CHST11: variants seen among roughly 807,000 people sequenced by gnomAD.
CHST11 encodes carbohydrate sulfotransferase 11.
CHST11 carries 9 observed loss-of-function variants against 30.4 expected under a neutral mutation model. The observed-to-expected ratio is 0.30, with a 90% CI of 0.18 to 0.52. CHST11 has a LOEUF of 0.52. Ranked by LOEUF, CHST11 falls within the 20% of genes least tolerant of loss-of-function variation. The pLI, the probability that CHST11 is intolerant of heterozygous loss-of-function variation, is 0.97. For synonymous variants in CHST11, 152 were observed against 187.8 expected, an observed-to-expected ratio of 0.81 and a Z score of 1.56; for missense variants, 348 against 460.6, an observed-to-expected ratio of 0.76 and a Z score of 2.24.
intron 1 of CHST11, among the ~76,000 whole-genome samples, chr12:104,535,536 A>G (rs751794407): frequency 1.1e-4 from 17 of 152,174 alleles, no homozygotes; most frequent in Non-Finnish European, 2.1e-4. Context: ...GGCAATGTGG[A>G]ATGTTGCTTA....
chr12:104,712,210 T>G (rs2040094045), intron 2 of CHST11, among the ~76,000 whole-genome samples: 1 of 152,156 alleles, frequency 6.6e-6, no homozygotes, highest in Non-Finnish European at 1.5e-5. Context: ...TATTCCCATT[T>G]GACACCTGAG....
chr12:104,559,992 T>G (rs1309367988), intron 1 of CHST11, among the ~76,000 whole-genome samples: 2 of 152,182 alleles, frequency 1.3e-5, no homozygotes, highest in East Asian at 3.8e-4. Flanking sequence ...GAAGGGTGGC[T>G]TTTGAGCAGA....
At chr12:104,695,473 GTA>G (rs367656871) in intron 2 of CHST11, among the ~76,000 whole-genome samples, 12 of 144,346 alleles carry the variant, frequency 8.3e-5, no homozygotes, top group Middle Eastern at 3.5e-3. Context: ...GTGTGTGTGT[GTA>G]TGTGTCCTTG....
intron 1 of CHST11, among the ~76,000 whole-genome samples, chr12:104,515,658 A>G (rs542275811): frequency 6.6e-6 from 1 of 152,286 alleles, no homozygotes; most frequent in East Asian, 1.9e-4. Context: ...GAGGAGTAAG[A>G]TAATACACAA....
At chr12:104,542,245 C>A (rs930161300) in intron 1 of CHST11, among the ~76,000 whole-genome samples, 1 of 152,224 alleles carries the variant, frequency 6.6e-6, no homozygotes, top group Non-Finnish European at 1.5e-5. Context: ...CAGAATTCTA[C>A]TTCTTGGATA....
intron 1 of CHST11, among the ~76,000 whole-genome samples, chr12:104,538,740 A>G (rs144234396): frequency 6.6e-6 from 1 of 152,346 alleles, no homozygotes; most frequent in African/African-American, 2.4e-5. Context: ...AGTTCCCCCA[A>G]TTGCCAGTGC....
intron 1 of CHST11, among the ~76,000 whole-genome samples, chr12:104,500,415 CAG>C (rs940373606): frequency 2.4e-4 from 37 of 152,280 alleles, no homozygotes; most frequent in African/African-American, 7.2e-4. Context: ...CGTAGCTAAT[CAG>C]GGGACAAAAT....
At chr12:104,621,641 G>C (rs941942201) in intron 2 of CHST11, among the ~76,000 whole-genome samples, 8 of 151,090 alleles carry the variant, frequency 5.3e-5, no homozygotes, top group African/African-American at 2.0e-4. Context: ...TGTGAGGAAG[G>C]GGGCCACAAG....
Position 104,681,870 on chromosome 12 carries a change from G to A in CHST11, c.205-75079G>A, listed in dbSNP as rs369714780. 1.0e-4 allele frequency among the ~76,000 whole-genome samples: 12 copies of A among 116,468 alleles called. No individual in the cohort carries two copies. The East Asian group carries it at 1.1e-3, about 11-fold the overall frequency. The allele number at this position is 116,468 out of a possible 152,430, so 76.4% of individuals were successfully genotyped here. Reference sequence around the variant, plus strand: ...TTTTGAGATGGAGTCTCGCTCTGTCGCCCAGGCTGGAGTGCAGTGGTGCGA... The same window carrying A: ...TTTTGAGATGGAGTCTCGCTCTGTCACCCAGGCTGGAGTGCAGTGGTGCGA... On this transcript the variant is annotated intron_variant, in intron 2 of 2. Coordinates refer to ENST00000303694, the MANE Select transcript of CHST11 (RefSeq NM_018413.6).
intron 2 of CHST11, among the ~76,000 whole-genome samples, chr12:104,743,575 C>T (rs1047041532): frequency 6.6e-6 from 1 of 152,236 alleles, no homozygotes; most frequent in African/African-American, 2.4e-5. Context: ...AGAGATATCA[C>T]ATGAAACCTA....
At chr12:104,555,320 G>C (rs186080529) in intron 1 of CHST11, among the ~76,000 whole-genome samples, 55 of 152,268 alleles carry the variant, frequency 3.6e-4, no homozygotes, top group African/African-American at 1.2e-3. Flanking sequence ...AGATGAGTAG[G>C]GTAAGGAAGA....
chr12:104,629,960 A>G (rs1409416425), intron 2 of CHST11, among the ~76,000 whole-genome samples: 1 of 152,234 alleles, frequency 6.6e-6, no homozygotes, highest in Non-Finnish European at 1.5e-5. Flanking sequence ...AGCTTATTTT[A>G]TAATAAAGTT....
intron 2 of CHST11, among the ~76,000 whole-genome samples, chr12:104,725,911 T>C (rs1392865913): frequency 6.6e-6 from 1 of 152,032 alleles, no homozygotes; most frequent in Non-Finnish European, 1.5e-5. Context: ...AGGAGCAGTG[T>C]ATGGATGATC....
intron 2 of CHST11, among the ~76,000 whole-genome samples, chr12:104,698,632 G>T (rs1462651366): frequency 6.6e-6 from 1 of 152,114 alleles, no homozygotes; most frequent in Admixed American, 6.5e-5. Flanking sequence ...CTTCCTTCCT[G>T]CACTTACCAG....
chr12:104,620,868 C>A (rs2039152827), intron 2 of CHST11, among the ~76,000 whole-genome samples: 1 of 152,166 alleles, frequency 6.6e-6, no homozygotes, highest in African/African-American at 2.4e-5. Flanking sequence ...CAGTCAATTG[C>A]AATTGATAAT....
chr12:104,642,002 A>G (rs979459613), intron 2 of CHST11, among the ~76,000 whole-genome samples: 3 of 152,166 alleles, frequency 2.0e-5, no homozygotes, highest in Admixed American at 6.5e-5. Context: ...ACTGTCCTCT[A>G]GTGGGTTGAG....
At chr12:104,530,430 T>G (rs574344873) in intron 1 of CHST11, among the ~76,000 whole-genome samples, 3 of 152,224 alleles carry the variant, frequency 2.0e-5, no homozygotes, top group African/African-American at 7.2e-5. Context: ...TCTTGAGACC[T>G]TTTTATACCC....
intron 2 of CHST11, among the ~76,000 whole-genome samples, chr12:104,739,585 C>T (rs903308851): frequency 4.6e-5 from 7 of 152,220 alleles, no homozygotes; most frequent in African/African-American, 1.7e-4. Context: ...TTCTGAACCA[C>T]TCTGCTCTGC....
chr12:104,471,947 C>T (rs1017363872), intron 1 of CHST11, among the ~76,000 whole-genome samples: 1 of 151,564 alleles, frequency 6.6e-6, no homozygotes, highest in Non-Finnish European at 1.5e-5. Flanking sequence ...TTTTTGGTCT[C>T]CCCTCACCCT....
Sources: allele counts gnomAD v4.1 joint callset (sites outside exome capture counted in the v4.1 genomes callset), GRCh38; gene constraint gnomAD v4.1.1; transcripts MANE v1.5; gene names NCBI Gene and HGNC (gene_info 2026-07-23, HGNC 2026-07-21).